TNIK: variants seen among roughly 807,000 people sequenced by gnomAD.
TNIK encodes the protein TRAF2 and NCK interacting kinase.
TNIK carries 49 observed loss-of-function variants against 191.3 expected under a neutral mutation model. That is an observed-to-expected ratio of 0.26 (90% CI 0.20 to 0.32). The LOEUF (loss-of-function observed/expected upper bound fraction) is 0.32, where lower values mean the gene tolerates loss of function less well. Ranked by LOEUF, TNIK falls within the 10% of genes least tolerant of loss-of-function variation. The probability of loss-of-function intolerance (pLI) is 1.00; values close to 1 mark genes in which losing one functional copy is unlikely to be tolerated. For synonymous variants in TNIK, 594 were observed against 600.9 expected, an observed-to-expected ratio of 0.99 and a Z score of 0.17; for missense variants, 1,155 against 1,702.3, an observed-to-expected ratio of 0.68 and a Z score of 5.66.
intron 2 of TNIK, among the ~76,000 whole-genome samples, chr3:171,244,600 A>G (rs1423816806): frequency 2.6e-5 from 4 of 152,080 alleles, no homozygotes; most frequent in Non-Finnish European, 4.4e-5. Context: ...ATCTGGTCAC[A>G]TACTATTTCT....
In TNIK at chr3:171,085,151, C is replaced by T; in HGVS notation, c.2965G>A (p.Glu989Lys). 6.2e-7 allele frequency: 1 copy of T among 1,611,534 alleles called. No homozygotes were observed. The highest frequency in any genetic ancestry group is 8.5e-7 in the Non-Finnish European group (1 of 1,178,902). The change falls in exon 25 of 33, where the codon GAA becomes AAA. Residue 989 changes from glutamate (E) to lysine (K), a missense_variant. By Grantham distance (56) the Glu-to-Lys change is moderately conservative. Around this residue, in one of 3 missense-constraint regions of TNIK, gnomAD observed 735 missense variants for 848.0 expected, o/e 0.87. Coordinates refer to ENST00000436636, the MANE Select transcript of TNIK (RefSeq NM_015028.4). ...PRVYQTSPTD[E>K]DEEDEESSAA... ...GATGATTCCTCATCCTCTTCATCTT[C>T]ATCAGTGGGAGACGTCTGGTATACT...
chr3:171,177,470 A>C lies in TNIK; in HGVS notation c.640-90T>G. ...GTAATTGCTTCAGAACTTCCTGTGAAAGTCATTCAGTTTTCTGTTTACAAA... is the reference window on the plus strand; with the variant it reads ...GTAATTGCTTCAGAACTTCCTGTGACAGTCATTCAGTTTTCTGTTTACAAA... On this transcript the variant is annotated intron_variant, in intron 7 of 32. Transcript: ENST00000436636. The C allele has an allele frequency of 4.8e-6, 7 of 1,454,314 alleles. No homozygotes were observed. In the South Asian group the frequency reaches 9.2e-5, roughly 19 times the overall value. The allele number at this position is 1,454,314 out of a possible 1,614,324, so 90.1% of individuals were successfully genotyped here. A position where few individuals can be genotyped will look rare whatever the true frequency, so the allele number is the denominator to read the frequency against.
intron 2 of TNIK, among the ~76,000 whole-genome samples, chr3:171,289,243 T>G (rs1455233543): frequency 6.6e-6 from 1 of 152,228 alleles, no homozygotes; most frequent in Non-Finnish European, 1.5e-5. Flanking sequence ...AAGTAGATAT[T>G]CAACCTCTCT....
At chr3:171,323,676 G>A (rs965450016) in intron 2 of TNIK, among the ~76,000 whole-genome samples, 2 of 152,004 alleles carry the variant, frequency 1.3e-5, no homozygotes, top group South Asian at 2.1e-4. Context: ...GAGAAGATCT[G>A]AAGTAATTTC....
chr3:171,090,132 A>T (rs115833416), intron 23 of TNIK, among the ~76,000 whole-genome samples: 65 of 152,328 alleles, frequency 4.3e-4, no homozygotes, highest in African/African-American at 1.5e-3. Context: ...AGGTGAAAGC[A>T]GGAGCATGCA....
chr3:171,209,911 C>A (rs1438904031), intron 4 of TNIK, among the ~76,000 whole-genome samples: 1 of 152,154 alleles, frequency 6.6e-6, no homozygotes. Flanking sequence ...ATGTCTGATG[C>A]ATTAAAATAG....
At chr3:171,306,176 T>A (rs892605600) in intron 2 of TNIK, among the ~76,000 whole-genome samples, 11 of 151,586 alleles carry the variant, frequency 7.3e-5, no homozygotes, top group African/African-American at 2.7e-4. Flanking sequence ...AACACATAGA[T>A]GGAAAGAGGG....
chr3:171,323,171 G>A (rs1755359210), intron 2 of TNIK, among the ~76,000 whole-genome samples: 1 of 152,090 alleles, frequency 6.6e-6, no homozygotes, highest in African/African-American at 2.4e-5. Flanking sequence ...CTACTCTCTA[G>A]GCCCTTATCA....
At chr3:171,427,766 G>C (rs1046134787) in intron 1 of TNIK, among the ~76,000 whole-genome samples, 2 of 152,194 alleles carry the variant, frequency 1.3e-5, no homozygotes, top group Admixed American at 6.5e-5. Context: ...TTACAGCCTA[G>C]TGGGCAGGGA....
intron 15 of TNIK, among the ~76,000 whole-genome samples, chr3:171,135,588 A>G (rs950080207): frequency 2.0e-5 from 3 of 152,248 alleles, no homozygotes; most frequent in Non-Finnish European, 1.5e-5. Context: ...ACCCAGGAGC[A>G]GAGGACTAAA....
At chr3:171,221,356 C>T (rs1165977752) in intron 3 of TNIK, among the ~76,000 whole-genome samples, 10 of 152,154 alleles carry the variant, frequency 6.6e-5, no homozygotes, top group Non-Finnish European at 1.3e-4. Context: ...GAAGGTCAAG[C>T]TCCCAAATCT....
At chr3:171,091,131 C>T (rs1722001734) in intron 23 of TNIK, among the ~76,000 whole-genome samples, 1 of 152,018 alleles carries the variant, frequency 6.6e-6, no homozygotes, top group Non-Finnish European at 1.5e-5. Flanking sequence ...CTCGGTTAAA[C>T]ATTTTTTCTG....
At chr3:171,146,597 C>G (rs1389845180) in intron 12 of TNIK, among the ~76,000 whole-genome samples, 4 of 152,074 alleles carry the variant, frequency 2.6e-5, no homozygotes, top group African/African-American at 9.7e-5. Context: ...TAGCAGCGCT[C>G]TGTAAATATG....
Position 171,125,940 on chromosome 3 carries a change from A to G in TNIK, c.1985T>C (p.Leu662Ser). 1.2e-6 allele frequency: 2 copies of G among 1,613,998 alleles called. No homozygotes were observed. Among genetic ancestry groups the G allele is most frequent in the Non-Finnish European group, 1.7e-6 (2 of 1,179,890 alleles). ...TGGTGGAATGTCTTCTTCCTGTCGT[A>G]ACCAAGAGCTTCGGTCAAACTTTTC... ...RIEKFDRSSW[L>S]RQEEDIPPKV... Residue 662 changes from leucine (L) to serine (S), a missense_variant, in exon 17 of 33, where the codon TTA becomes TCA. By Grantham distance (145) the Leu-to-Ser change is moderately radical. Coordinates refer to ENST00000436636, the MANE Select transcript of TNIK (RefSeq NM_015028.4).
chr3:171,275,253 G>A (rs1025633152), intron 2 of TNIK, among the ~76,000 whole-genome samples: 1 of 152,136 alleles, frequency 6.6e-6, no homozygotes, highest in African/African-American at 2.4e-5. Flanking sequence ...GAGTCACAAG[G>A]CAGCTGTTTA....
chr3:171,452,226 A>C (rs55933612), intron 1 of TNIK, among the ~76,000 whole-genome samples: 9,577 of 152,250 alleles, frequency 0.063, 594 homozygotes, highest in African/African-American at 0.16. Flanking sequence ...GGAAAAAAAT[A>C]GCTCATTTAA....
At chr3:171,297,897 T>C (rs1459486687) in intron 2 of TNIK, among the ~76,000 whole-genome samples, 1 of 152,174 alleles carries the variant, frequency 6.6e-6, no homozygotes, top group East Asian at 1.9e-4. Context: ...TTCTAAAGAG[T>C]GGCAATTAAA....
chr3:171,090,558 A>G (rs1721936382), intron 23 of TNIK, among the ~76,000 whole-genome samples: 1 of 140,234 alleles, frequency 7.1e-6, no homozygotes, highest in Non-Finnish European at 1.6e-5. Context: ...AGATACCAGG[A>G]AGGTGCTGTG....
chr3:171,128,366 C>T (rs1428394431), intron 16 of TNIK, among the ~76,000 whole-genome samples: 2 of 152,196 alleles, frequency 1.3e-5, no homozygotes, highest in African/African-American at 2.4e-5. Flanking sequence ...ATATATAATG[C>T]ACACACATAC....
Sources: allele counts gnomAD v4.1 joint callset (sites outside exome capture counted in the v4.1 genomes callset), GRCh38; gene constraint gnomAD v4.1.1; regional missense constraint gnomAD v4.1.1; transcripts MANE v1.5; gene names NCBI Gene and HGNC (gene_info 2026-07-23, HGNC 2026-07-21).